MCTP2: variants seen among roughly 807,000 people sequenced by gnomAD.
MCTP2 encodes multiple C2 and transmembrane domain-containing protein 2.
Under a neutral mutation model 111.6 loss-of-function variants are expected in MCTP2, and 132 were observed. That is an observed-to-expected ratio of 1.18 (90% CI 1.03 to 1.37). The LOEUF (loss-of-function observed/expected upper bound fraction) is 1.37. Among genes scored for constraint, MCTP2 ranks in the 40% most tolerant of loss-of-function variants. MCTP2 has a pLI of 0.00. For missense variants in MCTP2, 1,183 were observed against 1,067.9 expected (o/e 1.11, Z -1.50); for synonymous variants, 395 against 387.7 (o/e 1.02, Z -0.22).
rs1567255307 is a variant in MCTP2 at position 94,243,934 on chromosome 15, T to TATATATTTATGC, written c.-66+12271_-66+12272insTATATTTATGCA. The stretch of plus-strand genomic sequence containing the variant: ...ATGTGTATATATTTACACATATGTG[T>TATATATTTATGC]ACACATACATATATGTGTATATATT... On this transcript the variant is annotated intron_variant, in intron 1 of 22. Transcript: ENST00000357742. Among the ~76,000 whole-genome samples, 56 of 146,846 alleles carry TATATATTTATGC rather than the reference T, an allele frequency of 3.8e-4. 3 individuals carry two copies. Among genetic ancestry groups the TATATATTTATGC allele is most frequent in the African/African-American group, 1.3e-3 (52 of 40,178 alleles).
chr15:94,394,849 A>C (rs1299324792), intron 14 of MCTP2, among the ~76,000 whole-genome samples: 1 of 152,208 alleles, frequency 6.6e-6, no homozygotes, highest in South Asian at 2.1e-4. Context: ...TTTGGAATGA[A>C]TATATATTGC....
At chr15:94,308,579 G>A (rs112422358) in intron 2 of MCTP2, among the ~76,000 whole-genome samples, 4 of 152,224 alleles carry the variant, frequency 2.6e-5, no homozygotes, top group Non-Finnish European at 5.9e-5. Flanking sequence ...ACATTAGAAA[G>A]TGCTCAGCGA....
chr15:94,381,285 T>C (rs77667745), intron 12 of MCTP2, among the ~76,000 whole-genome samples: 10,615 of 152,332 alleles, frequency 0.07, 514 homozygotes, highest in African/African-American at 0.13. Flanking sequence ...TAAATTATTC[T>C]ATAAATATTT....
At chr15:94,321,299 A>C (rs193167705) in intron 4 of MCTP2, among the ~76,000 whole-genome samples, 18 of 152,316 alleles carry the variant, frequency 1.2e-4, no homozygotes, top group Admixed American at 3.9e-4. Context: ...ATAGAAGAGA[A>C]GATTTGGAAT....
chr15:94,476,849 C>T (rs1424344312), intron 22 of MCTP2, 56 bp downstream of exon 22: 1 of 1,018,866 alleles, frequency 9.8e-7, no homozygotes, highest in Non-Finnish European at 1.5e-6. Context: ...CTGGCCAGCC[C>T]CGGAGCCAGA....
At chr15:94,319,863 G>A (rs1370888122) in intron 4 of MCTP2, among the ~76,000 whole-genome samples, 1 of 152,136 alleles carries the variant, frequency 6.6e-6, no homozygotes, top group African/African-American at 2.4e-5. Context: ...GCTTATCTAT[G>A]CATTTACAAT....
chr15:94,435,856 C>G (rs1215225549), intron 17 of MCTP2, among the ~76,000 whole-genome samples: 1 of 151,388 alleles, frequency 6.6e-6, no homozygotes, highest in African/African-American at 2.4e-5. Context: ...TGGTCTCGAT[C>G]TCCTGACCTC....
intron 1 of MCTP2, among the ~76,000 whole-genome samples, chr15:94,250,647 C>T (rs546758297): frequency 6.6e-6 from 1 of 152,264 alleles, no homozygotes; most frequent in African/African-American, 2.4e-5. Flanking sequence ...GTCTTTATCT[C>T]TGTTATATGA....
intron 8 of MCTP2, among the ~76,000 whole-genome samples, chr15:94,353,322 A>G (rs894272349): frequency 5.3e-5 from 8 of 152,176 alleles, no homozygotes. Context: ...CGCGCCTGCT[A>G]CAGTCCTCAG....
intron 20 of MCTP2, among the ~76,000 whole-genome samples, chr15:94,465,000 ATTTG>A (rs1014105945): frequency 4.0e-5 from 6 of 151,824 alleles, no homozygotes; most frequent in South Asian, 2.1e-4. Context: ...ATTTGTACTG[ATTTG>A]TTTTTGTTTG....
At chr15:94,368,823 G>A (rs1376261182) in intron 11 of MCTP2, among the ~76,000 whole-genome samples, 2 of 152,318 alleles carry the variant, frequency 1.3e-5, no homozygotes, top group East Asian at 3.9e-4. Flanking sequence ...AGTTTTGTGT[G>A]TTTATAAAGG....
At chr15:94,348,686 G>T (rs566702966) in intron 8 of MCTP2, among the ~76,000 whole-genome samples, 40 of 151,106 alleles carry the variant, frequency 2.6e-4, no homozygotes, top group African/African-American at 9.0e-4. Context: ...TCTTATTTCT[G>T]TGTTGGCCCA....
At chr15:94,238,394 G>C (rs893351106) in intron 1 of MCTP2, among the ~76,000 whole-genome samples, 3 of 152,042 alleles carry the variant, frequency 2.0e-5, no homozygotes, top group Non-Finnish European at 4.4e-5. Flanking sequence ...ATATTGTGTA[G>C]ATTGGCCAGT....
chr15:94,478,404 A>T (rs996398944), intron 22 of MCTP2, among the ~76,000 whole-genome samples: 1 of 152,360 alleles, frequency 6.6e-6, no homozygotes, highest in African/African-American at 2.4e-5. Context: ...ACAGTTTGCC[A>T]CTGGGGACTC....
intron 21 of MCTP2, among the ~76,000 whole-genome samples, chr15:94,474,562 A>G (rs1490323841): frequency 6.6e-6 from 1 of 152,164 alleles, no homozygotes; most frequent in Non-Finnish European, 1.5e-5. Flanking sequence ...TTGTCCCTTA[A>G]AGAATGACCA....
chr15:94,437,532 A>C (rs2083545952), intron 17 of MCTP2, among the ~76,000 whole-genome samples: 1 of 152,094 alleles, frequency 6.6e-6, no homozygotes, highest in Non-Finnish European at 1.5e-5. Context: ...TAGAGAAATA[A>C]TCATTATGAA....
At chr15:94,362,762 T>C (rs1171060511) in intron 10 of MCTP2, among the ~76,000 whole-genome samples, 1 of 152,344 alleles carries the variant, frequency 6.6e-6, no homozygotes, top group Non-Finnish European at 1.5e-5. Flanking sequence ...GGTTAAAAGC[T>C]ATCATGGCAA....
intron 4 of MCTP2, among the ~76,000 whole-genome samples, chr15:94,329,660 C>T (rs1341722000): frequency 1.3e-5 from 2 of 152,130 alleles, no homozygotes; most frequent in African/African-American, 4.8e-5. Context: ...ACCGGATGAC[C>T]TCCCACCGGG....
In MCTP2 at chr15:94,329,601, G is replaced by C. The variant is rs148368239; in HGVS notation, c.638-9689G>C. ...GAATTCGCTCACTGTCATGAAGACA[G>C]TACCAACAGGGATGATGCAGAGCCA... On this transcript the variant is annotated intron_variant, in intron 4 of 22. Coordinates refer to ENST00000357742, the MANE Select transcript of MCTP2 (RefSeq NM_001385001.1). Among the ~76,000 whole-genome samples, 342 of 152,248 alleles carry C rather than the reference G, an allele frequency of 2.2e-3. 1 individual carries two copies. Among genetic ancestry groups the C allele is most frequent in the Non-Finnish European group, 3.9e-3 (263 of 68,008 alleles).
Sources: gnomAD v4.1 joint callset for allele counts (sites outside exome capture counted in the v4.1 genomes callset) on GRCh38, gnomAD v4.1.1 for gene constraint, MANE v1.5 for transcripts, NCBI Gene and HGNC (gene_info 2026-07-23, HGNC 2026-07-21) for gene names.